Variants in LSG1 observed in about 807,000 individuals in gnomAD.
LSG1 encodes the protein large subunit GTPase 1 homolog.
In LSG1, 55 loss-of-function variants were observed where a neutral mutation model predicts 82.6. That is an observed-to-expected ratio of 0.67 (90% confidence interval 0.54 to 0.83). The LOEUF (loss-of-function observed/expected upper bound fraction) is 0.83. Ranked by LOEUF, LSG1 falls within the 40% of genes least tolerant of loss-of-function variation. The pLI, the probability that LSG1 is intolerant of heterozygous loss-of-function variation, is 0.00. For missense variants in LSG1, 809 were observed against 807.9 expected, an observed-to-expected ratio of 1.00 and a Z score of -0.02; for synonymous variants, 272 against 282.5, an observed-to-expected ratio of 0.96 and a Z score of 0.37.
chr3:194,654,391 A>G (rs2108617976), intron 7 of LSG1, among the ~76,000 whole-genome samples: 1 of 152,342 alleles, frequency 6.6e-6, no homozygotes, highest in South Asian at 2.1e-4. Context: ...ATCATTTCCA[A>G]GTAGCTTTGT....
At chr3:194,644,366 C>A (rs2108614147) in intron 13 of LSG1, among the ~76,000 whole-genome samples, 1 of 104,240 alleles carries the variant, frequency 9.6e-6, no homozygotes, top group South Asian at 3.6e-4. Flanking sequence ...GAGACTCCGT[C>A]TCAAAAAAAA....
chr3:194,661,630 T>TC (rs1718932308), intron 5 of LSG1, among the ~76,000 whole-genome samples: 1 of 152,188 alleles, frequency 6.6e-6, no homozygotes, highest in Non-Finnish European at 1.5e-5. Flanking sequence ...CTATTAGAAT[T>TC]AAAGAGGCAG....
chr3:194,644,383 A>AAT lies in LSG1; in HGVS notation c.1797+189_1797+190insAT, dbSNP rs1468637644. Among the ~76,000 whole-genome samples, 110 of 132,934 alleles carry AAT rather than the reference A, an allele frequency of 8.3e-4. 6 individuals are homozygous for AAT. Among genetic ancestry groups the AAT allele is most frequent in the African/African-American group, 1.5e-3 (51 of 33,948 alleles). 87.2% of individuals were successfully genotyped at this position (132,934 alleles called of 152,430 possible). On this transcript the variant is annotated intron_variant, in intron 13 of 13. Transcript: ENST00000265245. ...GACTCCGTCTCAAAAAAAAAAAATAAAAATAAATAAATAAATAAATAAATA... is the reference window on the plus strand; with the variant it reads ...GACTCCGTCTCAAAAAAAAAAAATAAATAAATAAATAAATAAATAAATAAATA...
rs1311169298 is a variant in LSG1, at chr3:194,645,549, C to CAGACAG, written c.1623+614_1623+615insCTGTCT. 2.9e-4 allele frequency: 14 copies of CAGACAG among 47,642 alleles called. 4 individuals are homozygous for CAGACAG. In the Admixed American group the frequency reaches 3.1e-3, roughly 10 times the overall value. The allele number at this position is 47,642 out of a possible 1,614,324, so 3.0% of individuals were successfully genotyped here. A position where few individuals can be genotyped will look rare whatever the true frequency, so the allele number is the denominator to read the frequency against. On this transcript the variant is annotated intron_variant, in intron 12 of 13. Coordinates refer to ENST00000265245, the MANE Select transcript of LSG1 (RefSeq NM_018385.3). ...ACACACAGACAGACACACACACACA[C>CAGACAG]ACACACACACACACACACACAGACA...
chr3:194,668,856 T>G (rs1719085145), intron 2 of LSG1, among the ~76,000 whole-genome samples: 1 of 152,210 alleles, frequency 6.6e-6, no homozygotes, highest in East Asian at 1.9e-4. Context: ...TAGTATACAA[T>G]GGAATACTAT....
rs1055202292 is a variant in LSG1 at position 194,644,255 on chromosome 3, G to C, written c.1797+318C>G. ...CGGGCGCCTGTAGTCCCAGCTACTC[G>C]GGAGGCTGAGGCAGGAGAATGGCGT... On this transcript the variant is annotated intron_variant, in intron 13 of 13. Transcript: ENST00000265245. Among the ~76,000 whole-genome samples the C allele has an allele frequency of 4.0e-5, 6 of 151,490 alleles. No individual in the cohort carries two copies. The South Asian group carries it at 1.0e-3, about 26-fold the overall frequency.
rs941142947 is a variant in LSG1 at position 194,667,073 on chromosome 3, T to A, written c.227-501A>T. 5.4e-5 allele frequency among the ~76,000 whole-genome samples: 8 copies of A among 147,430 alleles called. No homozygotes were observed. The East Asian group carries it at 1.4e-3, about 25-fold the overall frequency. On this transcript the variant is annotated intron_variant, in intron 2 of 13. Transcript: ENST00000265245. ...GTAAACTTGCTTTCTTTGTCTTCTG[T>A]TTTTTTTTTGAGACAGAGTCTCACT...
At chr3:194,656,817 C>T (rs1718799065) in intron 7 of LSG1, among the ~76,000 whole-genome samples, 1 of 152,074 alleles carries the variant, frequency 6.6e-6, no homozygotes, top group African/African-American at 2.4e-5. Flanking sequence ...ACTATGCAGC[C>T]ATAAAAAATG....
chr3:194,645,365 AGAG>A (rs1444371285), intron 12 of LSG1: 1 of 152,234 alleles, frequency 6.6e-6, no homozygotes, highest in Non-Finnish European at 1.5e-5. Flanking sequence ...GGTCTTGAGA[AGAG>A]GAGGAAATAA....
chr3:194,644,656 T>C lies in LSG1; in HGVS notation c.1714A>G (p.Ser572Gly), dbSNP rs1302528530. Residue 572 changes from serine (S) to glycine (G), a missense_variant, in exon 13 of 14, where the codon AGT becomes GGT. Physicochemically the swap from Ser to Gly is moderately conservative, Grantham distance 56. Transcript: ENST00000265245. The stretch of plus-strand genomic sequence containing the variant: ...CCTAGCTGCATTTTTATTTCATCAC[T>C]GTTCATTTTGTTCTCTAGGAGTCGC... The part of the protein sequence containing the change: ...HQRLLENKMN[S>G]DEIKMQLGRN... 3 of 1,612,858 alleles carry C rather than the reference T, an allele frequency of 1.9e-6. No homozygotes were observed. Among genetic ancestry groups the C allele is most frequent in the Middle Eastern group, 1.7e-4 (1 of 6,042 alleles).
At chr3:194,645,543 C>CACACAGACAG (rs1718517828) in intron 12 of LSG1, 13 of 45,348 alleles carry the variant, frequency 2.9e-4, no homozygotes, top group African/African-American at 1.0e-3. Flanking sequence ...CAGACACACA[C>CACACAGACAG]ACACACACAC....
At chr3:194,645,207 T>C (rs1413525278) in intron 12 of LSG1, 1 of 152,666 alleles carries the variant, frequency 6.6e-6, no homozygotes, top group Non-Finnish European at 1.5e-5. Context: ...CTGAAGGCTG[T>C]GACTATTTTT....
At position 194,651,369 on chromosome 3, in the gene LSG1, T is replaced by A. The variant is rs1418928716; in HGVS notation, c.1174-153A>T. On this transcript the variant is annotated intron_variant, in intron 8 of 13. Transcript: ENST00000265245. The stretch of plus-strand genomic sequence containing the variant: ...TGCTGTGTTTGTTGAGACATCTTTT[T>A]TCTCCTGTGGTGTGGGTATATTTAT... 6 of 624,930 alleles carry A rather than the reference T, an allele frequency of 9.6e-6. 1 individual carries two copies. Among genetic ancestry groups the A allele is most frequent in the Non-Finnish European group, 1.7e-5 (6 of 350,326 alleles). The allele number at this position is 624,930 out of a possible 1,614,324, so 38.7% of individuals were successfully genotyped here. A position where few individuals can be genotyped will look rare whatever the true frequency, so the allele number is the denominator to read the frequency against.
rs530247957 is a variant in LSG1 at position 194,658,868 on chromosome 3, A to G, written c.759+89T>C. On this transcript the variant is annotated intron_variant, in intron 7 of 13. Transcript: ENST00000265245. ...AAACTCTAATTCCCACAGATTTTCCATAAGAATAAACAAAACACAAACGAA... is the reference window on the plus strand; with the variant it reads ...AAACTCTAATTCCCACAGATTTTCCGTAAGAATAAACAAAACACAAACGAA... 8.2e-5 allele frequency: 107 copies of G among 1,298,486 alleles called. No individual in the cohort carries two copies. The South Asian group carries it at 1.0e-3, about 13-fold the overall frequency. The allele number at this position is 1,298,486 out of a possible 1,614,324, so 80.4% of individuals were successfully genotyped here.
intron 11 of LSG1, among the ~76,000 whole-genome samples, chr3:194,647,955 T>C (rs935369170): frequency 6.6e-6 from 1 of 152,138 alleles, no homozygotes; most frequent in African/African-American, 2.4e-5. Context: ...GTGATTCATA[T>C]CAAATCACCT....
intron 7 of LSG1, among the ~76,000 whole-genome samples, chr3:194,656,447 G>A (rs1284440973): frequency 6.6e-6 from 1 of 152,152 alleles, no homozygotes; most frequent in Non-Finnish European, 1.5e-5. Flanking sequence ...ACCACAATGA[G>A]ATACCATCTC....
chr3:194,670,275 T>C, intron 1 of LSG1, 140 bp from the exon 2 acceptor site: 1 of 715,140 alleles, frequency 1.4e-6, no homozygotes, highest in Non-Finnish European at 2.3e-6. Flanking sequence ...TTATAGTTAA[T>C]GTTTAAAGGA....
At chr3:194,645,541 C>CACACACACAG (rs1560219674) in intron 12 of LSG1, 5 of 40,742 alleles carry the variant, frequency 1.2e-4, no homozygotes, top group African/African-American at 1.9e-4. Flanking sequence ...GACAGACACA[C>CACACACACAG]ACACACACAC....
intron 7 of LSG1, 143 bp downstream of exon 7, chr3:194,658,814 A>T: frequency 1.2e-6 from 1 of 803,046 alleles, no homozygotes; most frequent in Non-Finnish European, 2.0e-6. Flanking sequence ...CACTTTCTAT[A>T]GGTCATCCTA....
Sources: allele counts gnomAD v4.1 joint callset (sites outside exome capture counted in the v4.1 genomes callset), GRCh38; gene constraint gnomAD v4.1.1; transcripts MANE v1.5; gene names NCBI Gene and HGNC (gene_info 2026-07-23, HGNC 2026-07-21).